Variants in ATP10D observed in about 807,000 individuals in gnomAD.
ATP10D encodes the protein ATPase phospholipid transporting 10D (putative), also known as phospholipid-transporting ATPase VD.
In ATP10D, 89 loss-of-function variants were observed where a neutral mutation model predicts 144.8. That is an observed-to-expected ratio of 0.61 (90% CI 0.52 to 0.73). ATP10D has a LOEUF of 0.73. ATP10D is among the 30% of genes least tolerant of loss of function. ATP10D has a pLI of 0.00. For synonymous variants in ATP10D, 571 were observed against 615.1 expected, an observed-to-expected ratio of 0.93 and a Z score of 1.06; for missense variants, 1,603 against 1,714.8, an observed-to-expected ratio of 0.93 and a Z score of 1.15.
Position 47,558,267 on chromosome 4 carries a change from TC to T in ATP10D, c.2432del (p.Pro811GlnfsTer11). 6.2e-7 allele frequency: 1 copy of T among 1,611,414 alleles called. No homozygotes were observed. Among genetic ancestry groups the T allele is most frequent in the Non-Finnish European group, 8.5e-7 (1 of 1,177,818 alleles). On this transcript the variant is annotated frameshift_variant, in exon 12 of 23. Transcript: ENST00000273859. LOFTEE classifies it high-confidence loss of function. The part of the protein sequence containing the change: ...SVIMELLSVA[S>X]PDGASLEKQQ... ...GATCATGGAGTTACTGTCGGTGGCT[TC>T]CCCAGGTAAGTTTATACAAAAGTGA...
chr4:47,576,317 C>T (rs902519717), intron 18 of ATP10D, among the ~76,000 whole-genome samples: 6 of 152,104 alleles, frequency 3.9e-5, no homozygotes, highest in Non-Finnish European at 5.9e-5. Context: ...TCTGTGCTCT[C>T]AAGTAGGGCA....
chr4:47,504,237 C>T (rs1715885043), intron 1 of ATP10D, among the ~76,000 whole-genome samples: 1 of 152,334 alleles, frequency 6.6e-6, no homozygotes, highest in East Asian at 1.9e-4. Context: ...ATAGACGGTT[C>T]ATACTTACCT....
At chr4:47,560,810 A>G in intron 13 of ATP10D, 139 bp from the exon 14 acceptor site, 1 of 1,038,096 alleles carries the variant, frequency 9.6e-7, no homozygotes, top group Non-Finnish European at 1.4e-6. Context: ...GTGTGAGGAT[A>G]TGGATCTGAC....
intron 16 of ATP10D, among the ~76,000 whole-genome samples, chr4:47,571,529 A>G (rs17572032): frequency 0.16 from 24,378 of 152,042 alleles, 2,115 homozygotes; most frequent in South Asian, 0.23. Flanking sequence ...AGAATTTCCA[A>G]GGAAAACCAG....
chr4:47,566,653 T>A (rs1459025227), intron 15 of ATP10D, among the ~76,000 whole-genome samples: 2 of 152,214 alleles, frequency 1.3e-5, no homozygotes, highest in Non-Finnish European at 2.9e-5. Flanking sequence ...TATATACAGT[T>A]GATTCTCCTT....
intron 16 of ATP10D, among the ~76,000 whole-genome samples, chr4:47,570,297 G>C (rs1719884332): frequency 6.6e-6 from 1 of 152,156 alleles, no homozygotes; most frequent in African/African-American, 2.4e-5. Flanking sequence ...AGTTGTCATA[G>C]GGAACGCCAA....
chr4:47,522,953 C>A lies in ATP10D; in HGVS notation c.486-59C>A, dbSNP rs1252251841. On this transcript the variant is annotated intron_variant, in intron 3 of 22. Transcript: ENST00000273859. ...ACGCTAAAAAATTTTTTAAAAAAAA[C>A]ATTGTATGTATTTTTCACTTGATAT... 1.3e-5 allele frequency: 18 copies of A among 1,359,086 alleles called. No individual in the cohort carries two copies. The South Asian group carries it at 1.8e-4, about 13-fold the overall frequency. 84.2% of individuals were successfully genotyped at this position (1,359,086 alleles called of 1,614,324 possible).
At position 47,559,006 on chromosome 4, in the gene ATP10D, C is replaced by A; in HGVS notation, c.2518C>A (p.Arg840Ser). The change falls in exon 13 of 23, where the codon CGT becomes AGT. Residue 840 changes from arginine to serine, a missense_variant. By Grantham distance (110) the Arg-to-Ser change is moderately radical (BLOSUM62 -1). Transcript: ENST00000273859. ...GGATGACTATGCCAAACAAGGCCTTCGTACTTTATGTATAGCAAAGAAGGT... is the reference window on the plus strand; with the variant it reads ...GGATGACTATGCCAAACAAGGCCTTAGTACTTTATGTATAGCAAAGAAGGT... ...HLDDYAKQGL[R>S]TLCIAKKVMS... 1 of 1,613,998 alleles carries A rather than the reference C, an allele frequency of 6.2e-7. No homozygotes were observed. Among genetic ancestry groups the A allele is most frequent in the Non-Finnish European group, 8.5e-7 (1 of 1,179,910 alleles).
chr4:47,572,347 G>T, intron 17 of ATP10D, 117 bp downstream of exon 17: 1 of 863,868 alleles, frequency 1.2e-6, no homozygotes, highest in Non-Finnish European at 1.9e-6. Context: ...GCTGAGGAGT[G>T]GGAGACAGGA....
intron 18 of ATP10D, among the ~76,000 whole-genome samples, chr4:47,575,361 A>G (rs183814660): frequency 5.3e-5 from 8 of 152,094 alleles, no homozygotes; most frequent in African/African-American, 1.9e-4. Flanking sequence ...GAGACAAAAT[A>G]CTACAGGAAA....
intron 1 of ATP10D, among the ~76,000 whole-genome samples, chr4:47,496,837 TATTA>T (rs940312069): frequency 2.6e-5 from 4 of 151,998 alleles, no homozygotes; most frequent in Admixed American, 6.6e-5. Context: ...TCTTATAAGA[TATTA>T]ATTAATTAAT....
intron 1 of ATP10D, among the ~76,000 whole-genome samples, chr4:47,498,454 T>A (rs1422057164): frequency 6.6e-6 from 1 of 152,198 alleles, no homozygotes; most frequent in African/African-American, 2.4e-5. Context: ...TAATACAACT[T>A]AAGTCATCAG....
chr4:47,507,432 A>C (rs974289036), intron 1 of ATP10D, among the ~76,000 whole-genome samples: 3 of 152,162 alleles, frequency 2.0e-5, no homozygotes, highest in African/African-American at 7.2e-5. Flanking sequence ...AAGAGAAAAT[A>C]ATGCCCTCTT....
chr4:47,568,272 T>C (rs919933855), intron 15 of ATP10D, among the ~76,000 whole-genome samples: 21 of 152,364 alleles, frequency 1.4e-4, no homozygotes, highest in African/African-American at 5.0e-4. Flanking sequence ...CTCCAGCTCT[T>C]AGAATGTTTT....
At chr4:47,549,160 T>G (rs1718593717) in intron 10 of ATP10D, among the ~76,000 whole-genome samples, 1 of 152,236 alleles carries the variant, frequency 6.6e-6, no homozygotes, top group Admixed American at 6.5e-5. Context: ...TAAGCCAGTA[T>G]GTTTATGCAT....
chr4:47,520,132 A>C (rs1716870157), intron 3 of ATP10D, among the ~76,000 whole-genome samples: 1 of 152,318 alleles, frequency 6.6e-6, no homozygotes, highest in Non-Finnish European at 1.5e-5. Context: ...TGAAATTCCT[A>C]ACCCAAATGT....
intron 18 of ATP10D, among the ~76,000 whole-genome samples, chr4:47,574,839 C>A (rs1276672033): frequency 6.6e-6 from 1 of 152,108 alleles, no homozygotes; most frequent in East Asian, 1.9e-4. Context: ...CTCACTCTGT[C>A]CCCCAGGCTG....
intron 3 of ATP10D, among the ~76,000 whole-genome samples, chr4:47,518,729 T>A (rs908135934): frequency 1.3e-5 from 2 of 152,212 alleles, no homozygotes; most frequent in African/African-American, 4.8e-5. Flanking sequence ...AGTAACACAC[T>A]TTACGAAACA....
chr4:47,582,060 G>A lies in ATP10D; in HGVS notation c.3749G>A (p.Ser1250Asn), dbSNP rs1720547790. 6.2e-7 allele frequency: 1 copy of A among 1,612,322 alleles called. No homozygotes were observed. Among genetic ancestry groups the A allele is most frequent in the East Asian group, 2.2e-5 (1 of 44,858 alleles). The change falls in exon 21 of 23, where the codon AGT becomes AAT. Residue 1250 changes from serine (S) to asparagine (N), a missense_variant. Ser to Asn is a conservative substitution (Grantham distance 46). Coordinates refer to ENST00000273859, the MANE Select transcript of ATP10D (RefSeq NM_020453.4). ...CTCCATCTGGTCATTGAAAGCAAGA[G>A]TTTGGTGAGTGGTTTTCTTGCCTCT... ...VLLHLVIESKSLTWIHLLVII... is the reference protein window; with the variant it reads ...VLLHLVIESKNLTWIHLLVII...
Sources: allele counts gnomAD v4.1 joint callset (sites outside exome capture counted in the v4.1 genomes callset), GRCh38; gene constraint gnomAD v4.1.1; transcripts MANE v1.5; gene names NCBI Gene and HGNC (gene_info 2026-07-23, HGNC 2026-07-21).